SETBP1: variants seen among roughly 807,000 people sequenced by gnomAD.
SETBP1 encodes the protein SET binding protein 1.
A neutral mutation model predicts 101.0 loss-of-function variants in SETBP1; 9 were observed. The observed-to-expected ratio is 0.09, with a 90% CI of 0.05 to 0.16. The LOEUF (loss-of-function observed/expected upper bound fraction) is 0.16. Ranked by LOEUF, SETBP1 falls within the 10% of genes least tolerant of loss-of-function variation. SETBP1 has a pLI of 1.00. For synonymous variants in SETBP1, 818 were observed against 788.5 expected (o/e 1.04, Z -0.63); for missense variants, 1,858 against 2,033.8 (o/e 0.91, Z 1.66).
At chr18:44,806,531 T>G (rs1419160652) in intron 2 of SETBP1, among the ~76,000 whole-genome samples, 1 of 150,556 alleles carries the variant, frequency 6.6e-6, no homozygotes, top group Non-Finnish European at 1.5e-5. Context: ...TGACTACTAG[T>G]AACACTTAAA....
intron 2 of SETBP1, among the ~76,000 whole-genome samples, chr18:44,841,737 C>G (rs1324591422): frequency 2.6e-5 from 4 of 152,270 alleles, no homozygotes; most frequent in South Asian, 4.1e-4. Context: ...AGGAAGGGCC[C>G]CTCGTTCCTT....
intron 2 of SETBP1, among the ~76,000 whole-genome samples, chr18:44,762,599 AT>A (rs2144594892): frequency 6.6e-6 from 1 of 152,204 alleles, no homozygotes; most frequent in South Asian, 2.1e-4. Context: ...AGATGTAATT[AT>A]TTTTCAAACA....
At chr18:45,027,773 T>C (rs2073198915) in intron 4 of SETBP1, among the ~76,000 whole-genome samples, 1 of 152,198 alleles carries the variant, frequency 6.6e-6, no homozygotes, top group East Asian at 1.9e-4. Flanking sequence ...CTTAGTGGCT[T>C]AAACAACATA....
intron 5 of SETBP1, among the ~76,000 whole-genome samples, chr18:45,058,512 C>A (rs182055567): frequency 1.1e-4 from 16 of 152,288 alleles, no homozygotes; most frequent in Admixed American, 9.8e-4. Context: ...CCAAGAGCAT[C>A]TGGTTCAGCC....
At chr18:44,994,899 A>G (rs2072457521) in intron 4 of SETBP1, among the ~76,000 whole-genome samples, 2 of 152,206 alleles carry the variant, frequency 1.3e-5, no homozygotes, top group Admixed American at 1.3e-4. Context: ...TGTATATTGC[A>G]CAAGGATTTC....
intron 4 of SETBP1, among the ~76,000 whole-genome samples, chr18:45,003,190 A>G (rs751097217): frequency 6.6e-6 from 1 of 152,204 alleles, no homozygotes; most frequent in Non-Finnish European, 1.5e-5. Flanking sequence ...CTGAGAAAAC[A>G]AAAATATGCA....
chr18:44,763,816 A>G (rs2070709398), intron 2 of SETBP1, among the ~76,000 whole-genome samples: 1 of 152,134 alleles, frequency 6.6e-6, no homozygotes, highest in Admixed American at 6.5e-5. Flanking sequence ...TTCTCTCCAT[A>G]GCTCACTGGT....
Position 45,066,725 on chromosome 18 carries a change from G to A in SETBP1, c.*3027G>A, listed in dbSNP as rs2073972401. On this transcript the variant is annotated 3_prime_UTR_variant, in exon 6 of 6. Coordinates refer to ENST00000649279, the MANE Select transcript of SETBP1 (RefSeq NM_015559.3). ...TGGGATGCATGGTGCTCCACATACAGCTTCACAAAATATTTCATTATAAGA... is the reference window on the plus strand; with the variant it reads ...TGGGATGCATGGTGCTCCACATACAACTTCACAAAATATTTCATTATAAGA... 6.6e-6 allele frequency: 1 copy of A among 150,428 alleles called. No individual in the cohort carries two copies. Among genetic ancestry groups the A allele is most frequent in the African/African-American group, 2.5e-5 (1 of 40,772 alleles). 9.3% of individuals were successfully genotyped at this position (150,428 alleles called of 1,614,324 possible).
chr18:45,001,048 T>G (rs942774342), intron 4 of SETBP1, among the ~76,000 whole-genome samples: 1 of 152,162 alleles, frequency 6.6e-6, no homozygotes, highest in African/African-American at 2.4e-5. Context: ...ATTCATCCAT[T>G]TGCTCATTCA....
intron 4 of SETBP1, among the ~76,000 whole-genome samples, chr18:44,958,469 A>C (rs1185445217): frequency 6.6e-6 from 1 of 152,218 alleles, no homozygotes; most frequent in Non-Finnish European, 1.5e-5. Context: ...ATGGGAACAG[A>C]CAGGGCACAC....
At chr18:44,874,644 C>G (rs1013459430) in intron 3 of SETBP1, among the ~76,000 whole-genome samples, 2 of 152,124 alleles carry the variant, frequency 1.3e-5, no homozygotes, top group South Asian at 2.1e-4. Context: ...TGAGGGCCCA[C>G]GAGAAGTGCA....
chr18:44,844,819 C>T (rs150441980), intron 2 of SETBP1, among the ~76,000 whole-genome samples: 6 of 152,198 alleles, frequency 3.9e-5, no homozygotes, highest in Non-Finnish European at 8.8e-5. Context: ...TCCAGGGAGG[C>T]TTTTCAAGGC....
Position 45,045,888 on chromosome 18 carries a change from C to CT in SETBP1, c.4171+7239dup, listed in dbSNP as rs1330928104. ...ATGTTGTCTGTTTTCTTCCCTGGAA[C>CT]TTTTTTATCTTTTTCCCCCTTGCCC... On this transcript the variant is annotated intron_variant, in intron 5 of 5. Coordinates refer to ENST00000649279, the MANE Select transcript of SETBP1 (RefSeq NM_015559.3). Among the ~76,000 whole-genome samples, 3 of 152,034 alleles carry CT rather than the reference C, an allele frequency of 2.0e-5. No homozygotes were observed. The East Asian group carries it at 5.8e-4, about 29-fold the overall frequency.
intron 2 of SETBP1, among the ~76,000 whole-genome samples, chr18:44,740,938 GT>G (rs2070083077): frequency 6.6e-6 from 1 of 152,182 alleles, no homozygotes; most frequent in Non-Finnish European, 1.5e-5. Context: ...TGATTTCTCA[GT>G]TCTCTCGGAA....
Position 44,951,015 on chromosome 18 carries a change from C to G in SETBP1, c.1675C>G (p.Pro559Ala). The G allele has an allele frequency of 6.2e-7, 1 of 1,614,042 alleles. No individual in the cohort carries two copies. Among genetic ancestry groups the G allele is most frequent in the Non-Finnish European group, 8.5e-7 (1 of 1,180,028 alleles). The stretch of plus-strand genomic sequence containing the variant: ...CTCTGATAAACTGATGCTGGAGCCC[C>G]CGTCTGCATATCCCATCACCCCATC... The part of the protein sequence containing the change: ...ATSDKLMLEP[P>A]SAYPITPSSP... The change falls in exon 4 of 6, where the codon CCG (proline) becomes GCG (alanine). Residue 559 changes from proline (P) to alanine (A), a missense_variant. Pro to Ala is a conservative substitution (Grantham distance 27). This residue lies in a region of SETBP1 where 581 missense variants were observed against 535.1 expected (regional missense o/e 1.09). Coordinates refer to ENST00000649279, the MANE Select transcript of SETBP1 (RefSeq NM_015559.3). The surrounding 1 kb of genome is among the most constrained non-coding windows in gnomAD (Gnocchi z 7.8).
chr18:44,759,746 T>C (rs1158128515), intron 2 of SETBP1, among the ~76,000 whole-genome samples: 1 of 152,230 alleles, frequency 6.6e-6, no homozygotes, highest in African/African-American at 2.4e-5. Context: ...AAGTCACTCA[T>C]GGCAAATCTT....
At chr18:44,922,840 G>C (rs1184284389) in intron 3 of SETBP1, among the ~76,000 whole-genome samples, 1 of 152,210 alleles carries the variant, frequency 6.6e-6, no homozygotes, top group Non-Finnish European at 1.5e-5. Flanking sequence ...ACTTAAGATG[G>C]TGTCAGTTGT....
chr18:44,991,130 C>A (rs2072365044), intron 4 of SETBP1, among the ~76,000 whole-genome samples: 1 of 150,416 alleles, frequency 6.6e-6, no homozygotes, highest in African/African-American at 2.4e-5. Context: ...GTAGTCCCAG[C>A]TACTCAGGAG....
At chr18:44,719,628 C>G (rs1304019698) in intron 2 of SETBP1, among the ~76,000 whole-genome samples, 1 of 152,202 alleles carries the variant, frequency 6.6e-6, no homozygotes, top group Non-Finnish European at 1.5e-5. Context: ...GCCAGCTGTG[C>G]CCCACTCCAC....
Sources: gnomAD v4.1 joint callset for allele counts (sites outside exome capture counted in the v4.1 genomes callset) on GRCh38, gnomAD v4.1.1 for gene constraint, gnomAD v4.1.1 regional missense constraint, Gnocchi (gnomAD v3.1) non-coding constraint, MANE v1.5 for transcripts, NCBI Gene and HGNC (gene_info 2026-07-23, HGNC 2026-07-21) for gene names.